PDE8A: variants seen among roughly 807,000 people sequenced by gnomAD.
PDE8A encodes the protein high affinity cAMP-specific and IBMX-insensitive 3',5'-cyclic phosphodiesterase 8A.
A neutral mutation model predicts 105.0 loss-of-function variants in PDE8A; 59 were observed. The ratio of observed to expected loss-of-function variants is 0.56; its 90% CI spans 0.46 to 0.70. PDE8A has a LOEUF of 0.70. PDE8A is among the 30% of genes least tolerant of loss of function. The pLI is 0.00. For missense variants in PDE8A, 1,014 were observed against 1,045.9 expected, an observed-to-expected ratio of 0.97 and a Z score of 0.42; for synonymous variants, 355 against 371.9, an observed-to-expected ratio of 0.95 and a Z score of 0.52.
At chr15:85,025,390 C>A in intron 1 of PDE8A, among the ~76,000 whole-genome samples, 1 of 152,128 alleles carries the variant, frequency 6.6e-6, no homozygotes, top group East Asian at 1.9e-4. Flanking sequence ...TCCTGGGAGT[C>A]CTGTCCTATT....
intron 1 of PDE8A, among the ~76,000 whole-genome samples, chr15:85,001,476 C>G (rs1334398068): frequency 6.6e-6 from 1 of 152,158 alleles, no homozygotes; most frequent in Non-Finnish European, 1.5e-5. Flanking sequence ...TGCTGTAGGA[C>G]AGTTTTTCCC....
rs1430833091 is a variant in PDE8A, at chr15:85,138,529, T to A, written c.*626T>A. ...TTCAAATACCGTGACCAAATTTACATGATTCATATTCATTATGCATTACTT... is the reference window on the plus strand; with the variant it reads ...TTCAAATACCGTGACCAAATTTACAAGATTCATATTCATTATGCATTACTT... On this transcript the variant is annotated 3_prime_UTR_variant, in exon 22 of 22. Coordinates refer to ENST00000394553, the MANE Select transcript of PDE8A (RefSeq NM_002605.3). The A allele has an allele frequency of 1.3e-5, 2 of 152,698 alleles. No individual in the cohort carries two copies. The highest frequency in any genetic ancestry group is 1.3e-4 in the Admixed American group (2 of 15,290). 9.5% of individuals were successfully genotyped at this position (152,698 alleles called of 1,614,324 possible).
intron 20 of PDE8A, among the ~76,000 whole-genome samples, chr15:85,131,000 G>A (rs557745040): frequency 2.6e-5 from 4 of 152,130 alleles, no homozygotes; most frequent in South Asian, 2.1e-4. Flanking sequence ...CAGGTGATCC[G>A]CTCACCTCAA....
chr15:84,992,975 C>G (rs758867781), intron 1 of PDE8A, among the ~76,000 whole-genome samples: 38 of 152,142 alleles, frequency 2.5e-4, no homozygotes, highest in Non-Finnish European at 4.3e-4. Flanking sequence ...TGACCACTTA[C>G]AGAAACAGGT....
intron 1 of PDE8A, among the ~76,000 whole-genome samples, chr15:84,993,250 T>C (rs12913418): frequency 0.1 from 15,710 of 151,438 alleles, 1,117 homozygotes; most frequent in Non-Finnish European, 0.16. Context: ...AAGACCATCC[T>C]GGCTAACACG....
intron 16 of PDE8A, 21 bp from the exon 17 acceptor site, chr15:85,117,620 T>A (rs1412175040): frequency 6.2e-6 from 10 of 1,603,176 alleles, no homozygotes; most frequent in Non-Finnish European, 1.7e-6. Context: ...TCTAATATTG[T>A]GGGGTTTTTT....
chr15:85,092,371 A>G (rs1308767545), intron 8 of PDE8A, among the ~76,000 whole-genome samples: 3 of 151,742 alleles, frequency 2.0e-5, no homozygotes, highest in Non-Finnish European at 4.4e-5. Flanking sequence ...AGGGAGTGGA[A>G]GGTCCTCTAG....
At chr15:85,002,398 A>C (rs2080081479) in intron 1 of PDE8A, among the ~76,000 whole-genome samples, 1 of 152,228 alleles carries the variant, frequency 6.6e-6, no homozygotes, top group Admixed American at 6.5e-5. Context: ...GGTGATACAC[A>C]GGGCTAGGTC....
intron 1 of PDE8A, among the ~76,000 whole-genome samples, chr15:84,984,779 A>T (rs2079775445): frequency 6.6e-6 from 1 of 152,214 alleles, no homozygotes; most frequent in Non-Finnish European, 1.5e-5. Context: ...GAATATCCCT[A>T]ATCAGAAAAT....
In PDE8A at chr15:84,986,816, G is replaced by A. The variant is rs529958674; in HGVS notation, c.186+4468G>A. Among the ~76,000 whole-genome samples the A allele has an allele frequency of 2.6e-3, 396 of 151,926 alleles. 4 individuals are homozygous for A. Among genetic ancestry groups the A allele is most frequent in the Non-Finnish European group, 3.4e-3 (229 of 67,960 alleles). On this transcript the variant is annotated intron_variant, in intron 1 of 21. Transcript: ENST00000394553. ...TTTTGTCGAGACGAGATCTTGCTGT[G>A]CTGCCCAGGCTAGGCTCAAACTCCT...
intron 8 of PDE8A, among the ~76,000 whole-genome samples, chr15:85,096,981 A>G (rs2081765925): frequency 6.6e-6 from 1 of 152,152 alleles, no homozygotes; most frequent in African/African-American, 2.4e-5. Context: ...ATATTTCAGA[A>G]TTGACCTGGA....
chr15:85,072,267 G>A (rs1235648664), intron 3 of PDE8A, among the ~76,000 whole-genome samples: 1 of 152,188 alleles, frequency 6.6e-6, no homozygotes, highest in Non-Finnish European at 1.5e-5. Flanking sequence ...TTAAAGGGCT[G>A]GGCTATGTTC....
intron 1 of PDE8A, among the ~76,000 whole-genome samples, chr15:85,037,822 A>G (rs570046367): frequency 5.9e-5 from 9 of 152,352 alleles, no homozygotes; most frequent in African/African-American, 1.9e-4. Flanking sequence ...TCATTTCTCA[A>G]TTCAAATCAG....
intron 7 of PDE8A, among the ~76,000 whole-genome samples, chr15:85,090,185 C>A (rs1347819526): frequency 6.6e-6 from 1 of 152,156 alleles, no homozygotes; most frequent in Non-Finnish European, 1.5e-5. Context: ...CGGGCCTGGG[C>A]TCCATCCTGC....
chr15:84,996,823 C>CAAAAAAAAAA (rs34363361), intron 1 of PDE8A, among the ~76,000 whole-genome samples: 3 of 53,830 alleles, frequency 5.6e-5, no homozygotes, highest in African/African-American at 1.1e-4. Context: ...AAGACTCTCT[C>CAAAAAAAAAA]AAAAAAAAAA....
At chr15:85,033,015 TC>T (rs2080641175) in intron 1 of PDE8A, among the ~76,000 whole-genome samples, 1 of 152,132 alleles carries the variant, frequency 6.6e-6, no homozygotes, top group Non-Finnish European at 1.5e-5. Flanking sequence ...AGGGAAGTTA[TC>T]CCCAGCAGCT....
chr15:84,997,922 A>G (rs1431011339), intron 1 of PDE8A, among the ~76,000 whole-genome samples: 2 of 152,228 alleles, frequency 1.3e-5, no homozygotes, highest in African/African-American at 2.4e-5. Context: ...AACAGGTTTA[A>G]GATGGGTACA....
chr15:85,035,890 A>T (rs1393373736), intron 1 of PDE8A, among the ~76,000 whole-genome samples: 1 of 152,200 alleles, frequency 6.6e-6, no homozygotes, highest in Non-Finnish European at 1.5e-5. Context: ...CCTTGGTTTC[A>T]TGGAAATAGT....
At position 85,026,667 on chromosome 15, in the gene PDE8A, A is replaced by G. The variant is rs116644019; in HGVS notation, c.187-37703A>G. 7.0e-3 allele frequency among the ~76,000 whole-genome samples: 1,063 copies of G among 152,262 alleles called. 11 individuals carry two copies. The highest frequency in any genetic ancestry group is 0.024 in the African/African-American group (1,017 of 41,538). On this transcript the variant is annotated intron_variant, in intron 1 of 21. Coordinates refer to ENST00000394553, the MANE Select transcript of PDE8A (RefSeq NM_002605.3). ...ATTTGTGGCTGTTTTTAAAACTACT[A>G]CAAGTTCATTTTAAAACAAGATAGA... is the stretch of plus-strand genomic sequence containing the variant.
Sources: allele counts gnomAD v4.1 joint callset (sites outside exome capture counted in the v4.1 genomes callset), GRCh38; gene constraint gnomAD v4.1.1; transcripts MANE v1.5; gene names NCBI Gene and HGNC (gene_info 2026-07-23, HGNC 2026-07-21).